The following ARHGAP8 variants were observed in gnomAD, a reference collection of about 807,000 sequenced individuals.
ARHGAP8 encodes rho GTPase-activating protein 8.
Under a neutral mutation model 46.1 loss-of-function variants are expected in ARHGAP8, and 62 were observed. The observed-to-expected ratio is 1.34, with a 90% CI of 1.10 to 1.66. The LOEUF (loss-of-function observed/expected upper bound fraction) is 1.66. Among genes scored for constraint, ARHGAP8 ranks in the 40% most tolerant of loss-of-function variants. ARHGAP8 has a pLI of 0.00. For synonymous variants in ARHGAP8, 375 were observed against 243.1 expected (o/e 1.54, Z -5.05); for missense variants, 923 against 568.4 (o/e 1.62, Z -6.34).
At chr22:44,816,803 C>CAAAAAAAAA (rs1183457228) in intron 5 of ARHGAP8, among the ~76,000 whole-genome samples, 10 of 66,234 alleles carry the variant, frequency 1.5e-4, no homozygotes, top group African/African-American at 5.4e-4. Context: ...GACCCTGTCT[C>CAAAAAAAAA]AAAAAAAAAA....
intron 7 of ARHGAP8, among the ~76,000 whole-genome samples, chr22:44,831,208 CT>C (rs1930920926): frequency 6.6e-6 from 1 of 152,088 alleles, no homozygotes; most frequent in Admixed American, 6.6e-5. Flanking sequence ...GTCGCTTGTG[CT>C]TTTGGTGTTT....
At position 44,809,147 on chromosome 22, in the gene ARHGAP8, C is replaced by T. The variant is rs543637489; in HGVS notation, c.299+709C>T. ...ACACTCTTGTTCTTAAAGGGCCAGACAGTCAGCATTTTAGCTTTGCAGGCC... is the reference window on the plus strand; with the variant it reads ...ACACTCTTGTTCTTAAAGGGCCAGATAGTCAGCATTTTAGCTTTGCAGGCC... On this transcript the variant is annotated intron_variant, in intron 4 of 11. Coordinates refer to ENST00000356099, the MANE Select transcript of ARHGAP8 (RefSeq NM_181335.3). 293 of 471,090 alleles carry T rather than the reference C, an allele frequency of 6.2e-4. No individual in the cohort carries two copies. The Middle Eastern group carries it at 0.011, about 18-fold the overall frequency. The allele number at this position is 471,090 out of a possible 1,614,324, so 29.2% of individuals were successfully genotyped here. A position where few individuals can be genotyped will look rare whatever the true frequency, so the allele number is the denominator to read the frequency against.
intron 7 of ARHGAP8, among the ~76,000 whole-genome samples, chr22:44,841,651 G>A (rs1180932732): frequency 6.6e-6 from 1 of 152,214 alleles, no homozygotes; most frequent in Non-Finnish European, 1.5e-5. Context: ...AGGTTGGGAG[G>A]TAGACAGGCC....
intron 10 of ARHGAP8, among the ~76,000 whole-genome samples, chr22:44,857,879 T>C (rs917867728): frequency 2.0e-5 from 3 of 152,086 alleles, no homozygotes; most frequent in Non-Finnish European, 2.9e-5. Flanking sequence ...CTCAGTGACA[T>C]TGGCGGTTGT....
Position 44,848,948 on chromosome 22 carries a change from T to C in ARHGAP8, c.765T>C (p.Phe255=). 1.2e-6 allele frequency: 2 copies of C among 1,614,122 alleles called. No homozygotes were observed. The highest frequency in any genetic ancestry group is 1.7e-6 in the Non-Finnish European group (2 of 1,180,010). ...TGTGTGCAGGGAAGCCCGTGAACTT[T>C]GACGACTACGGGGACATTCACATCC... ...RLYNQGKPVN[F]DDYGDIHIPA... The change falls in exon 10 of 12, where the codon TTT becomes TTC. Residue 255 remains phenylalanine, a synonymous_variant. Coordinates refer to ENST00000356099, the MANE Select transcript of ARHGAP8 (RefSeq NM_181335.3).
intron 3 of ARHGAP8, among the ~76,000 whole-genome samples, chr22:44,804,237 T>C (rs904065439): frequency 6.6e-6 from 1 of 152,112 alleles, no homozygotes; most frequent in African/African-American, 2.4e-5. Flanking sequence ...TTGCTGCTGG[T>C]GTCTGCTGTG....
At chr22:44,814,400 T>C (rs181777376) in intron 4 of ARHGAP8, among the ~76,000 whole-genome samples, 1 of 152,258 alleles carries the variant, frequency 6.6e-6, no homozygotes, top group East Asian at 1.9e-4. Context: ...CCCCCGACCC[T>C]GGTGTGAGTG....
intron 1 of ARHGAP8, chr22:44,777,080 A>G (rs1372804217): frequency 6.6e-6 from 1 of 152,194 alleles, no homozygotes; most frequent in African/African-American, 2.4e-5. Flanking sequence ...TCCTCTGCTC[A>G]AGAACCTGCT....
Position 44,862,653 on chromosome 22 carries a change from T to C in ARHGAP8, c.*58T>C, listed in dbSNP as rs888694378. The stretch of plus-strand genomic sequence containing the variant: ...TCCCACACCTGTCTGTGCACTTGTA[T>C]GTTTTGTAAACTTGGCATCTGTAAA... On this transcript the variant is annotated 3_prime_UTR_variant, in exon 12 of 12. Transcript: ENST00000356099. 4 of 1,501,702 alleles carry C rather than the reference T, an allele frequency of 2.7e-6. No individual in the cohort carries two copies. Among genetic ancestry groups the C allele is most frequent in the South Asian group, 1.4e-5 (1 of 73,728 alleles). 93.0% of individuals were successfully genotyped at this position (1,501,702 alleles called of 1,614,324 possible).
chr22:44,792,888 A>T (rs561732559), intron 2 of ARHGAP8, among the ~76,000 whole-genome samples: 1 of 151,664 alleles, frequency 6.6e-6, no homozygotes, highest in Non-Finnish European at 1.5e-5. Context: ...CAGTGGCGCA[A>T]TCTCGGCTCA....
At position 44,857,573 on chromosome 22, in the gene ARHGAP8, G is replaced by A. The variant is rs1343238445; in HGVS notation, c.878-2158G>A. Among the ~76,000 whole-genome samples the A allele has an allele frequency of 3.9e-5, 6 of 152,204 alleles. No homozygotes were observed. In the East Asian group the frequency reaches 5.8e-4, roughly 15 times the overall value. On this transcript the variant is annotated intron_variant, in intron 10 of 11. Transcript: ENST00000356099. ...CAGGTTGGAAGAAGAGTGGAGAGGC[G>A]TGGGAAGTGCGACGGACAGGGGAGT...
chr22:44,842,516 G>A lies in ARHGAP8; in HGVS notation c.597-2753G>A, dbSNP rs115848147. On this transcript the variant is annotated intron_variant, in intron 7 of 11. Coordinates refer to ENST00000356099, the MANE Select transcript of ARHGAP8 (RefSeq NM_181335.3). The stretch of plus-strand genomic sequence containing the variant: ...TGGAATCACCCTCCAGAAAGGTCAC[G>A]TGCTTTGTAGAGCCTGAAGCCGGGG... Among the ~76,000 whole-genome samples the A allele has an allele frequency of 5.0e-3, 758 of 152,328 alleles. 10 individuals carry two copies. Among genetic ancestry groups the A allele is most frequent in the African/African-American group, 0.017 (720 of 41,568 alleles).
At chr22:44,790,676 CAAA>C (rs369579126) in intron 2 of ARHGAP8, among the ~76,000 whole-genome samples, 4 of 49,604 alleles carry the variant, frequency 8.1e-5, no homozygotes, top group African/African-American at 1.5e-4. Flanking sequence ...AACTCTGTCT[CAAA>C]AAAAAAAAAA....
rs1250416037 is a variant in ARHGAP8 at position 44,859,774 on chromosome 22, A to G, written c.921A>G (p.Leu307=). 5 of 1,614,040 alleles carry G rather than the reference A, an allele frequency of 3.1e-6. No individual in the cohort carries two copies. Among genetic ancestry groups the G allele is most frequent in the African/African-American group, 1.3e-5 (1 of 75,040 alleles). The part of the protein sequence containing the change: ...SLRVTGCRQI[L]RSLPEHNYVV... Reference sequence around the variant, plus strand: ...GTGTCACTGGCTGCCGCCAGATCTTACGGAGCCTCCCAGAGCACAACTACG... The same window carrying G: ...GTGTCACTGGCTGCCGCCAGATCTTGCGGAGCCTCCCAGAGCACAACTACG... Residue 307 remains leucine, a synonymous_variant, in exon 11 of 12, where the codon TTA becomes TTG. Coordinates refer to ENST00000356099, the MANE Select transcript of ARHGAP8 (RefSeq NM_181335.3).
chr22:44,816,246 C>T (rs1929733964), intron 5 of ARHGAP8, among the ~76,000 whole-genome samples: 1 of 152,154 alleles, frequency 6.6e-6, no homozygotes, highest in African/African-American at 2.4e-5. Context: ...GCTCCGTGTA[C>T]AGGGAGCACT....
chr22:44,858,538 T>TTTTTTTTC (rs2070311475), intron 10 of ARHGAP8, among the ~76,000 whole-genome samples: 1 of 128,964 alleles, frequency 7.8e-6, no homozygotes. Flanking sequence ...CCCGGCTTTT[T>TTTTTTTTC]TTTTTTTTTT....
chr22:44,861,870 C>T (rs988459885), intron 11 of ARHGAP8, among the ~76,000 whole-genome samples: 3 of 152,168 alleles, frequency 2.0e-5, no homozygotes, highest in African/African-American at 4.8e-5. Context: ...CTCGTAGTGG[C>T]CCCTAGATGT....
intron 1 of ARHGAP8, among the ~76,000 whole-genome samples, chr22:44,756,577 C>T (rs1192648661): frequency 9.6e-6 from 1 of 104,594 alleles, no homozygotes; most frequent in East Asian, 3.4e-4. Flanking sequence ...TCACCCCACA[C>T]CCCGCCCCCC....
chr22:44,758,447 A>G (rs1465281243), intron 1 of ARHGAP8, among the ~76,000 whole-genome samples: 1 of 152,192 alleles, frequency 6.6e-6, no homozygotes, highest in Non-Finnish European at 1.5e-5. Flanking sequence ...CTGAAGGCCA[A>G]GGCTGGGTGT....
Sources: allele counts gnomAD v4.1 joint callset (sites outside exome capture counted in the v4.1 genomes callset), GRCh38; gene constraint gnomAD v4.1.1; transcripts MANE v1.5; gene names NCBI Gene and HGNC (gene_info 2026-07-23, HGNC 2026-07-21).